Variants in PRAME observed in about 807,000 individuals in gnomAD.
The protein encoded by PRAME is PRAME nuclear receptor transcriptional regulator, also known as melanoma antigen preferentially expressed in tumors.
Under a neutral mutation model 32.1 loss-of-function variants are expected in PRAME, and 21 were observed. The observed-to-expected ratio is 0.65, with a 90% CI of 0.46 to 0.94. The LOEUF is 0.94. PRAME is among the 40% of genes least tolerant of loss of function. The pLI is 0.00. For synonymous variants in PRAME, 274 were observed against 251.5 expected (o/e 1.09, Z -0.85); for missense variants, 651 against 622.3 (o/e 1.05, Z -0.49).
chr22:22,548,990 T>C (rs575397347), intron 5 of PRAME, among the ~76,000 whole-genome samples: 22 of 152,004 alleles, frequency 1.4e-4, no homozygotes, highest in South Asian at 8.3e-4. Flanking sequence ...TATTTGAAGA[T>C]ACAACTGAAA....
chr22:22,558,640 G>C (rs2063142434), intron 1 of PRAME, among the ~76,000 whole-genome samples: 1 of 148,482 alleles, frequency 6.7e-6, no homozygotes, highest in East Asian at 2.1e-4. Flanking sequence ...GGTGGGGGCA[G>C]GGTGGAAAAA....
intron 3 of PRAME, chr22:22,553,743 T>C: frequency 1.0e-6 from 1 of 964,864 alleles, no homozygotes; most frequent in Non-Finnish European, 1.2e-6. Context: ...AAAGACCTTG[T>C]GGTTTCTTAG....
intron 3 of PRAME, among the ~76,000 whole-genome samples, chr22:22,552,599 T>C (rs1000688492): frequency 2.0e-5 from 3 of 152,010 alleles, no homozygotes; most frequent in East Asian, 3.9e-4. Flanking sequence ...TGTACAATTA[T>C]TGTGTATCAA....
Position 22,550,180 on chromosome 22 carries a change from C to T in PRAME, c.499G>A (p.Glu167Lys). The T allele has an allele frequency of 6.2e-7, 1 of 1,613,886 alleles. No individual in the cohort carries two copies. Among genetic ancestry groups the T allele is most frequent in the Admixed American group, 1.7e-5 (1 of 59,984 alleles). ...ACTGGAATGAAGGGCTGCTCTGCCT[C>T]TGTGCTCAAACCATCTACTTTTCGC... Reference protein sequence around the residue: ...KKRKVDGLSTEAEQPFIPVEV... With the variant: ...KKRKVDGLSTKAEQPFIPVEV... Residue 167 changes from glutamate (E) to lysine (K), a missense_variant, in exon 5 of 6, where the codon GAG becomes AAG. Glu to Lys is a moderately conservative substitution (Grantham distance 56, BLOSUM62 1). Transcript: ENST00000405655.
chr22:22,558,783 CCTTTT>C (rs1386541708), intron 1 of PRAME, among the ~76,000 whole-genome samples, 183 bp downstream of exon 1: 1 of 151,462 alleles, frequency 6.6e-6, no homozygotes, highest in African/African-American at 2.4e-5. Flanking sequence ...TGGCGACCTC[CCTTTT>C]CTTCAGTGGG....
Position 22,548,098 on chromosome 22 carries a change from G to A in PRAME, c.1499C>T (p.Pro500Leu), listed in dbSNP as rs751758532. Reference protein sequence around the residue: ...CGDRTFYDPEPILCPCFMPN With the variant: ...CGDRTFYDPELILCPCFMPN The stretch of plus-strand genomic sequence containing the variant: ...AGGCATGAAACAGGGGCACAGGATG[G>A]GCTCCGGGTCATAGAAGGTTCTGTC... The change falls in exon 6 of 6, where the codon CCC becomes CTC. Residue 500 changes from proline to leucine, a missense_variant. Transcript: ENST00000405655. The A allele has an allele frequency of 6.2e-7, 1 of 1,612,900 alleles. No homozygotes were observed. Among genetic ancestry groups the A allele is most frequent in the African/African-American group, 1.3e-5 (1 of 74,848 alleles).
chr22:22,554,297 G>C, intron 3 of PRAME: 6 of 970,918 alleles, frequency 6.2e-6, no homozygotes, highest in Non-Finnish European at 7.3e-6. Flanking sequence ...GGAATGTCTT[G>C]CGGCCTGACT....
At chr22:22,550,701 CCT>C (rs1373827754) in intron 4 of PRAME, 64 bp downstream of exon 4, 4 of 1,491,846 alleles carry the variant, frequency 2.7e-6, no homozygotes, top group Non-Finnish European at 3.6e-6. Context: ...CTCCATGCTC[CCT>C]GACCCCAGCT....
At position 22,550,193 on chromosome 22, in the gene PRAME, A is replaced by G. The variant is rs185563168; in HGVS notation, c.486T>C (p.Asp162=). 9.9e-5 allele frequency: 160 copies of G among 1,613,676 alleles called. 1 individual carries two copies. The East Asian group carries it at 3.3e-3, about 34-fold the overall frequency. ...AQPMTKKRKV[D]GLSTEAEQPF... ...GCTGCTCTGCCTCTGTGCTCAAACC[A>G]TCTACTTTTCGCTTCTTTGTCATGG... The change falls in exon 5 of 6, where the codon GAT becomes GAC. Residue 162 remains aspartate (D), a synonymous_variant. Transcript: ENST00000405655.
At chr22:22,548,826 G>T (rs1338141965) in intron 5 of PRAME, among the ~76,000 whole-genome samples, 183 bp from the exon 6 acceptor site, 1 of 151,824 alleles carries the variant, frequency 6.6e-6, no homozygotes, top group Non-Finnish European at 1.5e-5. Context: ...ATCATTTGCT[G>T]TGTAAGTGGG....
In PRAME at chr22:22,556,827, T is replaced by C. The variant is rs756105434; in HGVS notation, c.6A>G (p.Glu2=). The C allele has an allele frequency of 3.4e-5, 55 of 1,612,892 alleles. 1 individual carries two copies. In the South Asian group the frequency reaches 5.9e-4, roughly 17 times the overall value. ...ACCTTCTTACCCACAAACGCCTTCGTTCCATTTTGAAGCGACTTAGGCTGG... is the reference window on the plus strand; with the variant it reads ...ACCTTCTTACCCACAAACGCCTTCGCTCCATTTTGAAGCGACTTAGGCTGG... M[E]RRRLWGSIQS... The change falls in exon 3 of 6, where the codon GAA becomes GAG. Residue 2 remains glutamate, a synonymous_variant. Coordinates refer to ENST00000405655, the MANE Select transcript of PRAME (RefSeq NM_206956.3).
chr22:22,549,738 TC>T lies in PRAME; in HGVS notation c.940del (p.Asp314IlefsTer7), dbSNP rs764653793. 1 of 1,603,766 alleles carries T rather than the reference TC, an allele frequency of 6.2e-7. No homozygotes were observed. Among genetic ancestry groups the T allele is most frequent in the South Asian group, 1.1e-5 (1 of 88,912 alleles). ...DSLFFLRGRL[D>X]QLLRHVMNPL... ...CACCATCCCTCACCTGAGCAACTGATCCAGGCGGCCTCTAAGGAAAAATAAA... is the reference window on the plus strand; with the variant it reads ...CACCATCCCTCACCTGAGCAACTGATCAGGCGGCCTCTAAGGAAAAATAAA... On this transcript the variant is annotated frameshift_variant, in exon 5 of 6. Coordinates refer to ENST00000405655, the MANE Select transcript of PRAME (RefSeq NM_206956.3). LOFTEE classifies it low-confidence loss of function (END_TRUNC).
Position 22,550,139 on chromosome 22 carries a change from G to C in PRAME, c.540C>G (p.Asp180Glu). Residue 180 changes from aspartate (D) to glutamate (E), a missense_variant, in exon 5 of 6, where the codon GAC becomes GAG. Transcript: ENST00000405655. Reference protein sequence around the residue: ...QPFIPVEVLVDLFLKEGACDE... With the variant: ...QPFIPVEVLVELFLKEGACDE... The stretch of plus-strand genomic sequence containing the variant: ...CACAGGCACCTTCCTTGAGGAACAG[G>C]TCTACGAGCACCTCTACTGGAATGA... 6.2e-7 allele frequency: 1 copy of C among 1,613,844 alleles called. No individual in the cohort carries two copies. Among genetic ancestry groups the C allele is most frequent in the Non-Finnish European group, 8.5e-7 (1 of 1,179,964 alleles).
chr22:22,549,919 G>A lies in PRAME; in HGVS notation c.760C>T (p.Pro254Ser), dbSNP rs763155367. Residue 254 changes from proline to serine, a missense_variant, in exon 5 of 6, where the codon CCT becomes TCT. Physicochemically the swap from Pro to Ser is moderately conservative, Grantham distance 74 (BLOSUM62 -1). Coordinates refer to ENST00000405655, the MANE Select transcript of PRAME (RefSeq NM_206956.3). Reference sequence around the variant, plus strand: ...AGATTAATCATCTGGCCCAGGTAAGGAGAAAATTTCGCCAAGGTGGGTAGC... The same window carrying A: ...AGATTAATCATCTGGCCCAGGTAAGAAGAAAATTTCGCCAAGGTGGGTAGC... Reference protein sequence around the residue: ...WKLPTLAKFSPYLGQMINLRR... With the variant: ...WKLPTLAKFSSYLGQMINLRR... 8 of 1,613,782 alleles carry A rather than the reference G, an allele frequency of 5.0e-6. No homozygotes were observed. In the Admixed American group the frequency reaches 1.2e-4, roughly 24 times the overall value.
chr22:22,556,299 A>G (rs1239306817), intron 3 of PRAME, among the ~76,000 whole-genome samples: 1 of 151,538 alleles, frequency 6.6e-6, no homozygotes, highest in East Asian at 2.0e-4. Context: ...ATGAGCCACC[A>G]TGCCTGGCCT....
At position 22,558,980 on chromosome 22, in the gene PRAME, C is replaced by G; in HGVS notation, c.-123G>C. The G allele has an allele frequency of 6.3e-6, 1 of 157,980 alleles. No homozygotes were observed. The highest frequency in any genetic ancestry group is 1.4e-5 in the Non-Finnish European group (1 of 72,618). 9.8% of individuals were successfully genotyped at this position (157,980 alleles called of 1,614,324 possible). A position where few individuals can be genotyped will look rare whatever the true frequency, so the allele number is the denominator to read the frequency against. ...GATTCAATTAACTTACTCTCTGGAGCGCGCGTTCCTCCCTGCTCCCGGGAG... is the reference window on the plus strand; with the variant it reads ...GATTCAATTAACTTACTCTCTGGAGGGCGCGTTCCTCCCTGCTCCCGGGAG... On this transcript the variant is annotated 5_prime_UTR_variant, in exon 1 of 6. Coordinates refer to ENST00000405655, the MANE Select transcript of PRAME (RefSeq NM_206956.3).
chr22:22,548,235 G>A lies in PRAME; in HGVS notation c.1362C>T (p.Thr454=), dbSNP rs752139774. ...PLESYEDIHG[T]LHLERLAYLH... The stretch of plus-strand genomic sequence containing the variant: ...GATAGGCAAGCCTCTCCAGGTGGAG[G>A]GTACCATGGATGTCCTCATAACTCT... The change falls in exon 6 of 6, where the codon ACC becomes ACT. Residue 454 remains threonine, a synonymous_variant. Coordinates refer to ENST00000405655, the MANE Select transcript of PRAME (RefSeq NM_206956.3). 3 of 1,613,756 alleles carry A rather than the reference G, an allele frequency of 1.9e-6. No homozygotes were observed. The highest frequency in any genetic ancestry group is 2.5e-6 in the Non-Finnish European group (3 of 1,179,958).
In PRAME at chr22:22,549,981, T is replaced by A; in HGVS notation, c.698A>T (p.Asp233Val). 1 of 1,613,746 alleles carries A rather than the reference T, an allele frequency of 6.2e-7. No individual in the cohort carries two copies. Among genetic ancestry groups the A allele is most frequent in the African/African-American group, 1.3e-5 (1 of 74,932 alleles). The part of the protein sequence containing the change: ...IKMILKMVQL[D>V]SIEDLEVTCT... ...AGTCACTTCCAAATCTTCAATAGAGTCCAGCTGCACCATTTTCAGGATCAT... is the reference window on the plus strand; with the variant it reads ...AGTCACTTCCAAATCTTCAATAGAGACCAGCTGCACCATTTTCAGGATCAT... Residue 233 changes from aspartate to valine, a missense_variant, in exon 5 of 6, where the codon GAC (aspartate) becomes GTC (valine). Transcript: ENST00000405655.
chr22:22,556,507 T>G (rs893443535), intron 3 of PRAME, among the ~76,000 whole-genome samples: 9 of 151,812 alleles, frequency 5.9e-5, no homozygotes, highest in East Asian at 2.0e-4. Flanking sequence ...ACGCGGGGTT[T>G]CACAGTGTTA....
Sources: allele counts gnomAD v4.1 joint callset (sites outside exome capture counted in the v4.1 genomes callset), GRCh38; gene constraint gnomAD v4.1.1; transcripts MANE v1.5; gene names NCBI Gene and HGNC (gene_info 2026-07-23, HGNC 2026-07-21).